Variants in ZFTA observed in about 807,000 individuals in gnomAD.
ZFTA encodes the protein zinc finger translocation associated.
In ZFTA, 35 loss-of-function variants were observed where a neutral mutation model predicts 41.8. The ratio of observed to expected loss-of-function variants is 0.84; its 90% CI spans 0.64 to 1.11. The LOEUF (loss-of-function observed/expected upper bound fraction) is 1.11, where lower values mean the gene tolerates loss of function less well. Ranked by LOEUF, ZFTA falls within the 50% of genes most tolerant of loss-of-function variation. ZFTA has a pLI of 0.00. For synonymous variants in ZFTA, 514 were observed against 436.4 expected (o/e 1.18, Z -2.22); for missense variants, 964 against 989.8 (o/e 0.97, Z 0.35).
At position 63,764,034 on chromosome 11, in the gene ZFTA, TC is replaced by T. The variant is rs1318663903; in HGVS notation, c.1585+3del. The T allele has an allele frequency of 7.5e-7, 1 of 1,325,934 alleles. No homozygotes were observed. The highest frequency in any genetic ancestry group is 3.0e-5 in the East Asian group (1 of 32,810). The allele number at this position is 1,325,934 out of a possible 1,614,324, so 82.1% of individuals were successfully genotyped here. On this transcript the variant is annotated splice_donor_region_variant and intron_variant, in intron 4 of 4. Transcript: ENST00000433688. ...TCTCCGCCTGCTCTGGCCCCACCGCTCACCCCACTCCTCCTCCTCCTCCTCT... is the reference window on the plus strand; with the variant it reads ...TCTCCGCCTGCTCTGGCCCCACCGCTACCCCACTCCTCCTCCTCCTCCTCT...
chr11:63,768,568 C>A lies in ZFTA; in HGVS notation c.55G>T (p.Gly19Trp). 9.3e-7 allele frequency: 1 copy of A among 1,072,508 alleles called. No individual in the cohort carries two copies. Among genetic ancestry groups the A allele is most frequent in the South Asian group, 3.7e-5 (1 of 27,010 alleles). 66.4% of individuals were successfully genotyped at this position (1,072,508 alleles called of 1,614,324 possible). A position where few individuals can be genotyped will look rare whatever the true frequency, so the allele number is the denominator to read the frequency against. The change falls in exon 1 of 5, where the codon GGG becomes TGG. Residue 19 changes from glycine to tryptophan, a missense_variant. By Grantham distance (184) the Gly-to-Trp change is radical. Transcript: ENST00000433688. ...CCCCGTGCCGAGGCCACTGCTGGCC[C>A]GGGGCCGCCCCTGCCGCCGCTGCTC... The part of the protein sequence containing the change: ...SRSSGGRGGP[G>W]PAVASARGRR...
In ZFTA at chr11:63,760,063, A is replaced by AAC. The variant is rs2014590183; in HGVS notation, c.*3354_*3355insGT. The AAC allele has an allele frequency of 6.6e-6, 1 of 152,194 alleles. No individual in the cohort carries two copies. Among genetic ancestry groups the AAC allele is most frequent in the African/African-American group, 2.4e-5 (1 of 41,448 alleles). 9.4% of individuals were successfully genotyped at this position (152,194 alleles called of 1,614,324 possible). A position where few individuals can be genotyped will look rare whatever the true frequency, so the allele number is the denominator to read the frequency against. Reference sequence around the variant, plus strand: ...AGACTGCAGAATTTAGTTGTACAGCATAACTGTGCATTTGATCTCTGAAAG... The same window carrying AAC: ...AGACTGCAGAATTTAGTTGTACAGCAACTAACTGTGCATTTGATCTCTGAAAG... On this transcript the variant is annotated 3_prime_UTR_variant, in exon 5 of 5. Transcript: ENST00000433688.
chr11:63,764,920 C>T lies in ZFTA; in HGVS notation c.972G>A (p.Gln324=). Residue 324 remains glutamine, a synonymous_variant, in exon 3 of 5, where the codon CAG becomes CAA. Coordinates refer to ENST00000433688, the MANE Select transcript of ZFTA (RefSeq NM_001144936.2). ...LSGPQRSALL[Q]AWGGQPEALS... Reference sequence around the variant, plus strand: ...GCGCCTCGGGCTGGCCCCCCCAGGCCTGCAGCAGGGCACTGCGCTGGGGGC... The same window carrying T: ...GCGCCTCGGGCTGGCCCCCCCAGGCTTGCAGCAGGGCACTGCGCTGGGGGC... 4.5e-6 allele frequency: 7 copies of T among 1,541,574 alleles called. No homozygotes were observed. The highest frequency in any genetic ancestry group is 6.1e-6 in the Non-Finnish European group (7 of 1,144,068).
At chr11:63,764,640 C>T in intron 3 of ZFTA, 42 bp from the exon 4 acceptor site, 1 of 1,263,436 alleles carries the variant, frequency 7.9e-7, no homozygotes, top group Non-Finnish European at 1.0e-6. Flanking sequence ...AGCCTGCTGG[C>T]TGGGTTGCCC....
At chr11:63,766,549 CTG>C in intron 1 of ZFTA, among the ~76,000 whole-genome samples, 1 of 152,266 alleles carries the variant, frequency 6.6e-6, no homozygotes, top group Middle Eastern at 3.4e-3. Context: ...GGAAATAGCT[CTG>C]ACTTTTTAAA....
At position 63,763,131 on chromosome 11, in the gene ZFTA, A is replaced by G. The variant is rs762647328; in HGVS notation, c.*287T>C. ...CGCTAACACGTGGAGGCCACTGAGGATTCTCGGAAAACGTGGGCCCTGCGC... is the reference window on the plus strand; with the variant it reads ...CGCTAACACGTGGAGGCCACTGAGGGTTCTCGGAAAACGTGGGCCCTGCGC... On this transcript the variant is annotated 3_prime_UTR_variant, in exon 5 of 5. Coordinates refer to ENST00000433688, the MANE Select transcript of ZFTA (RefSeq NM_001144936.2). 302 of 174,312 alleles carry G rather than the reference A, an allele frequency of 1.7e-3. No homozygotes were observed. Among genetic ancestry groups the G allele is most frequent in the Non-Finnish European group, 2.9e-3 (238 of 81,696 alleles). The allele number at this position is 174,312 out of a possible 1,614,324, so 10.8% of individuals were successfully genotyped here.
chr11:63,765,923 C>T lies in ZFTA; in HGVS notation c.521G>A (p.Gly174Glu). 1.3e-6 allele frequency: 2 copies of T among 1,551,678 alleles called. No homozygotes were observed. The highest frequency in any genetic ancestry group is 2.0e-5 in the Admixed American group (1 of 51,006). Residue 174 changes from glycine to glutamate, a missense_variant, in exon 2 of 5, where the codon GGG becomes GAG. Physicochemically the swap from Gly to Glu is moderately conservative, Grantham distance 98 (BLOSUM62 -2). This residue lies in a region of ZFTA where 141 missense variants were observed against 216.7 expected (regional missense o/e 0.65). Transcript: ENST00000433688. The surrounding 1 kb of genome is among the most constrained non-coding windows in gnomAD (Gnocchi z 4.0). ...CAGGCCCTCGGCCTCTCCGCAGGCC[C>T]CCAGCCCCAGGTGTGCATCCCAGCT... ...SNSWDAHLGL[G>E]ACGEAEGLGV...
chr11:63,764,901 C>T lies in ZFTA; in HGVS notation c.991G>A (p.Glu331Lys). 3.3e-6 allele frequency: 5 copies of T among 1,527,990 alleles called. No homozygotes were observed. The highest frequency in any genetic ancestry group is 3.5e-6 in the Non-Finnish European group (4 of 1,138,944). The allele number at this position is 1,527,990 out of a possible 1,614,324, so 94.7% of individuals were successfully genotyped here. The stretch of plus-strand genomic sequence containing the variant: ...GACTGGGTGAGCTCAGACAGCGCCT[C>T]GGGCTGGCCCCCCCAGGCCTGCAGC... ...ALLQAWGGQP[E>K]ALSELTQSPP... is the part of the protein sequence containing the mutation. Residue 331 changes from glutamate (E) to lysine (K), a missense_variant, in exon 3 of 5, where the codon GAG (glutamate) becomes AAG (lysine). By Grantham distance (56) the Glu-to-Lys change is moderately conservative. Coordinates refer to ENST00000433688, the MANE Select transcript of ZFTA (RefSeq NM_001144936.2).
In ZFTA at chr11:63,765,764, G is replaced by A. The variant is rs539225664; in HGVS notation, c.637+43C>T. ...GCAGCTGGCCCACTGTGCCCCACTG[G>A]CCACCCAGGCCCCTGCCTGTACAGA... On this transcript the variant is annotated intron_variant, in intron 2 of 4. Transcript: ENST00000433688. This position sits in a 1 kb window ranked among gnomAD's most constrained non-coding sequence, Gnocchi z 4.0. The A allele has an allele frequency of 3.5e-6, 5 of 1,433,962 alleles. No homozygotes were observed. The highest frequency in any genetic ancestry group is 2.9e-5 in the Admixed American group (1 of 34,514). The allele number at this position is 1,433,962 out of a possible 1,614,324, so 88.8% of individuals were successfully genotyped here. A position where few individuals can be genotyped will look rare whatever the true frequency, so the allele number is the denominator to read the frequency against.
At position 63,768,484 on chromosome 11, in the gene ZFTA, C is replaced by T; in HGVS notation, c.139G>A (p.Gly47Arg). ...CCGGGCCGCCGGCCCCAGCTCTTAC[C>T]GCCTTCGTCTTCCTCTGGCTCCGCG... is the stretch of plus-strand genomic sequence containing the variant. Reference protein sequence around the residue: ...GSAEPEEDEGGQDLQLEGGAL... With the variant: ...GSAEPEEDEGRQDLQLEGGAL... The change falls in exon 1 of 5, where the codon GGG becomes AGG. Residue 47 changes from glycine (G) to arginine (R), a missense_variant and splice_region_variant. Transcript: ENST00000433688. The T allele has an allele frequency of 8.4e-7, 1 of 1,194,240 alleles. No individual in the cohort carries two copies. The highest frequency in any genetic ancestry group is 1.7e-5 in the African/African-American group (1 of 60,458). The allele number at this position is 1,194,240 out of a possible 1,614,324, so 74.0% of individuals were successfully genotyped here. A position where few individuals can be genotyped will look rare whatever the true frequency, so the allele number is the denominator to read the frequency against.
chr11:63,764,416 CCGCCCTCT>C lies in ZFTA; in HGVS notation c.1199_1206del (p.Glu400GlyfsTer232). The C allele has an allele frequency of 1.6e-6, 2 of 1,273,314 alleles. No individual in the cohort carries two copies. The highest frequency in any genetic ancestry group is 9.9e-7 in the Non-Finnish European group (1 of 1,012,160). The allele number at this position is 1,273,314 out of a possible 1,614,324, so 78.9% of individuals were successfully genotyped here. A position where few individuals can be genotyped will look rare whatever the true frequency, so the allele number is the denominator to read the frequency against. ...CCCCGCGGCGACCGGCCCGGGACCC[CCGCCCTCT>C]CGCCCTCGCCCTCCTCCAGCTCCTC... is the stretch of plus-strand genomic sequence containing the variant. On this transcript the variant is annotated frameshift_variant, in exon 4 of 5. Coordinates refer to ENST00000433688, the MANE Select transcript of ZFTA (RefSeq NM_001144936.2). LOFTEE classifies it high-confidence loss of function.
chr11:63,763,937 CCA>C lies in ZFTA; in HGVS notation c.1586-70_1586-69del, dbSNP rs1018373045. The C allele has an allele frequency of 1.2e-5, 17 of 1,369,436 alleles. No individual in the cohort carries two copies. In the African/African-American group the frequency reaches 1.5e-4, roughly 12 times the overall value. 84.8% of individuals were successfully genotyped at this position (1,369,436 alleles called of 1,614,324 possible). On this transcript the variant is annotated intron_variant, in intron 4 of 4. Transcript: ENST00000433688. ...GCGGGCTGGGCCCCGCGTCTCATCT[CCA>C]GTCACCCCATCTTTGCCCTTCTATC...
Position 63,760,605 on chromosome 11 carries a change from CCAAGG to C in ZFTA, c.*2808_*2812del, listed in dbSNP as rs2014607378. 6.6e-6 allele frequency: 1 copy of C among 151,980 alleles called. No individual in the cohort carries two copies. The highest frequency in any genetic ancestry group is 1.5e-5 in the Non-Finnish European group (1 of 68,014). The allele number at this position is 151,980 out of a possible 1,614,324, so 9.4% of individuals were successfully genotyped here. Reference sequence around the variant, plus strand: ...GACTTCACCTGTTCATGTCAGAATCCCAAGGCAAGGAGGCACACCTAGGCAAGAGG... The same window carrying C: ...GACTTCACCTGTTCATGTCAGAATCCCAAGGAGGCACACCTAGGCAAGAGG... On this transcript the variant is annotated 3_prime_UTR_variant, in exon 5 of 5. Transcript: ENST00000433688.
At chr11:63,768,440 C>A in intron 1 of ZFTA, 44 bp downstream of exon 1, 4 of 1,080,444 alleles carry the variant, frequency 3.7e-6, no homozygotes, top group South Asian at 2.9e-5. Flanking sequence ...CCTCCCTTCC[C>A]CCACGCCGGG....
At position 63,764,925 on chromosome 11, in the gene ZFTA, G is replaced by A; in HGVS notation, c.967C>T (p.Leu323=). The A allele has an allele frequency of 6.5e-7, 1 of 1,543,566 alleles. No homozygotes were observed. Residue 323 remains leucine (L), a synonymous_variant, in exon 3 of 5, where the codon CTG becomes TTG. Transcript: ENST00000433688. ...TCGGGCTGGCCCCCCCAGGCCTGCA[G>A]CAGGGCACTGCGCTGGGGGCCGCTG... ...GLSGPQRSAL[L]QAWGGQPEAL...
rs2014651852 is a variant in ZFTA, at chr11:63,762,118, T to A, written c.*1300A>T. ...TAGGGCCCGGAGTCTCCCAGCGGGA[T>A]TAACATCAGCACAGCTAGTTGGGGT... On this transcript the variant is annotated 3_prime_UTR_variant, in exon 5 of 5. Coordinates refer to ENST00000433688, the MANE Select transcript of ZFTA (RefSeq NM_001144936.2). The A allele has an allele frequency of 1.3e-5, 2 of 152,306 alleles. No homozygotes were observed. Among genetic ancestry groups the A allele is most frequent in the South Asian group, 4.1e-4 (2 of 4,830 alleles). 9.4% of individuals were successfully genotyped at this position (152,306 alleles called of 1,614,324 possible).
intron 3 of ZFTA, 53 bp downstream of exon 3, chr11:63,764,815 C>A (rs1000644947): frequency 8.4e-6 from 12 of 1,432,488 alleles, no homozygotes; most frequent in Non-Finnish European, 1.1e-5. Flanking sequence ...GGCCACAGAC[C>A]CCACTTCAGA....
intron 1 of ZFTA, among the ~76,000 whole-genome samples, chr11:63,767,830 A>T (rs2014771452): frequency 6.6e-6 from 1 of 152,092 alleles, no homozygotes; most frequent in African/African-American, 2.4e-5. Flanking sequence ...TTCTGAAAAG[A>T]AGGGAAGGGA....
chr11:63,767,150 C>T (rs2014758512), intron 1 of ZFTA, among the ~76,000 whole-genome samples: 1 of 152,200 alleles, frequency 6.6e-6, no homozygotes, highest in African/African-American at 2.4e-5. Context: ...CCCCACTAAC[C>T]CAATGGTGTT....
Sources: allele counts gnomAD v4.1 joint callset (sites outside exome capture counted in the v4.1 genomes callset), GRCh38; gene constraint gnomAD v4.1.1; regional missense constraint gnomAD v4.1.1; non-coding constraint Gnocchi (gnomAD v3.1); transcripts MANE v1.5; gene names NCBI Gene and HGNC (gene_info 2026-07-23, HGNC 2026-07-21).